GULP1: variants seen among roughly 807,000 people sequenced by gnomAD.
GULP1 encodes GULP PTB domain containing engulfment adaptor 1.
In GULP1, 19 loss-of-function variants were observed where a neutral mutation model predicts 40.9. That is an observed-to-expected ratio of 0.46 (90% CI 0.32 to 0.68). GULP1 has a LOEUF of 0.68. Among genes scored for constraint, GULP1 ranks in the 30% least tolerant of loss-of-function variants. GULP1 has a pLI of 0.03. For missense variants in GULP1, 312 were observed against 362.2 expected, an observed-to-expected ratio of 0.86 and a Z score of 1.12; for synonymous variants, 119 against 117.6, an observed-to-expected ratio of 1.01 and a Z score of -0.08.
At chr2:188,400,571 A>G (rs113319043) in intron 2 of GULP1, among the ~76,000 whole-genome samples, 74 of 152,304 alleles carry the variant, frequency 4.9e-4, no homozygotes, top group African/African-American at 1.7e-3. Flanking sequence ...GTGGAGTGCC[A>G]CTGGAGGGAA....
At chr2:188,581,052 A>T (rs899375631) in intron 9 of GULP1, among the ~76,000 whole-genome samples, 2 of 152,094 alleles carry the variant, frequency 1.3e-5, no homozygotes, top group African/African-American at 4.8e-5. Flanking sequence ...CACAGTTTGG[A>T]GGAATTGAAT....
chr2:188,504,481 G>A (rs2063722118), intron 4 of GULP1, among the ~76,000 whole-genome samples: 1 of 151,820 alleles, frequency 6.6e-6, no homozygotes, highest in Non-Finnish European at 1.5e-5. Flanking sequence ...AAGTTATTTT[G>A]ACAGGCAACT....
At chr2:188,560,956 C>G (rs1696098792) in intron 7 of GULP1, among the ~76,000 whole-genome samples, 1 of 152,196 alleles carries the variant, frequency 6.6e-6, no homozygotes, top group African/African-American at 2.4e-5. Flanking sequence ...CAATCACCTC[C>G]CACCAGGTCC....
At chr2:188,514,102 C>T (rs2064934445) in intron 4 of GULP1, among the ~76,000 whole-genome samples, 1 of 142,550 alleles carries the variant, frequency 7.0e-6, no homozygotes, top group African/African-American at 2.5e-5. Context: ...CACTGGGTGG[C>T]GTCCTGTCTA....
At chr2:188,536,344 A>C (rs1173566937) in intron 6 of GULP1, among the ~76,000 whole-genome samples, 2 of 152,090 alleles carry the variant, frequency 1.3e-5, no homozygotes, top group African/African-American at 2.4e-5. Context: ...TATTTAATCC[A>C]TCTTGAGTTA....
At chr2:188,326,989 G>T (rs1032552720) in intron 1 of GULP1, among the ~76,000 whole-genome samples, 4 of 152,090 alleles carry the variant, frequency 2.6e-5, no homozygotes, top group Non-Finnish European at 5.9e-5. Context: ...AACTAAAATG[G>T]GTCGAGGGCT....
intron 1 of GULP1, among the ~76,000 whole-genome samples, chr2:188,314,287 C>G (rs1450815033): frequency 1.3e-5 from 2 of 152,154 alleles, no homozygotes; most frequent in Non-Finnish European, 2.9e-5. Flanking sequence ...GGAATTGTCT[C>G]TGTCCTTAAG....
chr2:188,464,648 G>A (rs766620725), intron 2 of GULP1, among the ~76,000 whole-genome samples: 1 of 152,174 alleles, frequency 6.6e-6, no homozygotes, highest in Non-Finnish European at 1.5e-5. Context: ...GGGAGCCAGG[G>A]ACTAGAGTCA....
At chr2:188,386,201 C>T (rs2049721093) in intron 2 of GULP1, among the ~76,000 whole-genome samples, 1 of 152,148 alleles carries the variant, frequency 6.6e-6, no homozygotes, top group Admixed American at 6.5e-5. Flanking sequence ...GTGAAAGGCA[C>T]ATCTCACACA....
chr2:188,304,251 T>A (rs759563210), intron 1 of GULP1, among the ~76,000 whole-genome samples: 13 of 152,308 alleles, frequency 8.5e-5, no homozygotes, highest in East Asian at 1.9e-4. Context: ...CACCCTTCCT[T>A]AATTTGTCTC....
At chr2:188,381,288 T>G (rs554141688) in intron 1 of GULP1, among the ~76,000 whole-genome samples, 1 of 152,260 alleles carries the variant, frequency 6.6e-6, no homozygotes, top group South Asian at 2.1e-4. Context: ...ATATGTGTAT[T>G]TTTGTGCTCT....
At chr2:188,535,026 ATAAT>A (rs1303464058) in intron 6 of GULP1, among the ~76,000 whole-genome samples, 11 of 151,038 alleles carry the variant, frequency 7.3e-5, no homozygotes, top group African/African-American at 2.7e-4. Context: ...ATTGTTATTA[ATAAT>A]TAATATTCAA....
intron 1 of GULP1, among the ~76,000 whole-genome samples, chr2:188,359,458 G>C (rs889693013): frequency 1.3e-5 from 2 of 151,990 alleles, no homozygotes; most frequent in African/African-American, 4.8e-5. Flanking sequence ...ATCTAACTAA[G>C]CCAAACTTTT....
At chr2:188,515,823 A>C (rs2065116571) in intron 4 of GULP1, among the ~76,000 whole-genome samples, 1 of 152,178 alleles carries the variant, frequency 6.6e-6, no homozygotes, top group Non-Finnish European at 1.5e-5. Context: ...GTAAATACTC[A>C]AAAATATTTT....
intron 4 of GULP1, among the ~76,000 whole-genome samples, chr2:188,502,620 T>G (rs2063535927): frequency 6.6e-6 from 1 of 151,894 alleles, no homozygotes; most frequent in Non-Finnish European, 1.5e-5. Flanking sequence ...TCCCACAATG[T>G]GTGACACAGA....
At chr2:188,325,404 C>T (rs1431020571) in intron 1 of GULP1, among the ~76,000 whole-genome samples, 1 of 151,986 alleles carries the variant, frequency 6.6e-6, no homozygotes, top group Non-Finnish European at 1.5e-5. Flanking sequence ...TGTTCAATCT[C>T]GTGTTAAGTC....
intron 9 of GULP1, chr2:188,582,346 G>A: frequency 2.1e-6 from 1 of 470,964 alleles, no homozygotes; most frequent in Non-Finnish European, 4.4e-6. Flanking sequence ...TACAGCTGCT[G>A]CACAATATGT....
At chr2:188,310,647 G>C (rs1327247757) in intron 1 of GULP1, among the ~76,000 whole-genome samples, 1 of 152,116 alleles carries the variant, frequency 6.6e-6, no homozygotes, top group South Asian at 2.1e-4. Flanking sequence ...TATACCATTT[G>C]GAAGTAGGGG....
At chr2:188,309,332 G>A (rs1171099162) in intron 1 of GULP1, among the ~76,000 whole-genome samples, 1 of 152,070 alleles carries the variant, frequency 6.6e-6, no homozygotes, top group African/African-American at 2.4e-5. Flanking sequence ...CTGGCATGGG[G>A]ATGTGCACCT....
Sources: gnomAD v4.1 joint callset for allele counts (sites outside exome capture counted in the v4.1 genomes callset) on GRCh38, gnomAD v4.1.1 for gene constraint, MANE v1.5 for transcripts, NCBI Gene and HGNC (gene_info 2026-07-23, HGNC 2026-07-21) for gene names.